ZNF560: variants seen among roughly 807,000 people sequenced by gnomAD.
The protein encoded by ZNF560 is zinc finger protein 560.
A neutral mutation model predicts 81.8 loss-of-function variants in ZNF560; 54 were observed. That is an observed-to-expected ratio of 0.66 (90% CI 0.53 to 0.83). ZNF560 has a LOEUF of 0.83. ZNF560 is among the 40% of genes least tolerant of loss of function. The pLI, the probability that ZNF560 is intolerant of heterozygous loss-of-function variation, is 0.00. For synonymous variants in ZNF560, 321 were observed against 317.9 expected, an observed-to-expected ratio of 1.01 and a Z score of -0.10; for missense variants, 940 against 932.4, an observed-to-expected ratio of 1.01 and a Z score of -0.11.
intron 7 of ZNF560, among the ~76,000 whole-genome samples, chr19:9,470,099 G>A (rs76012838): frequency 2.0e-5 from 3 of 152,098 alleles, no homozygotes; most frequent in Non-Finnish European, 2.9e-5. Flanking sequence ...TTACTCATCT[G>A]AATACAGGGC....
rs374334448 is a variant in ZNF560, at chr19:9,467,076, C to G, written c.1871G>C (p.Gly624Ala). 2.2e-5 allele frequency: 35 copies of G among 1,613,878 alleles called. No individual in the cohort carries two copies. The Middle Eastern group carries it at 5.0e-4, about 23-fold the overall frequency. ...GTCCTTATATTCATAGGGCTTATCT[C>G]CAGTGTGTCTTCGTAAATGTTTAGT... ...DLTKHLRRHT[G>A]DKPYEYKDCG... Residue 624 changes from glycine (G) to alanine (A), a missense_variant, in exon 10 of 10, where the codon GGA becomes GCA. Transcript: ENST00000301480.
chr19:9,495,146 A>T (rs530409173), intron 2 of ZNF560, among the ~76,000 whole-genome samples: 4 of 152,066 alleles, frequency 2.6e-5, no homozygotes, highest in African/African-American at 4.8e-5. Context: ...TCACCAAAAA[A>T]AAATAAATAA....
chr19:9,450,516 C>G, the ZNF560 span, among the ~76,000 whole-genome samples: 15,233 of 152,118 alleles, frequency 0.1, 912 homozygotes, highest in South Asian at 0.2. Context: ...CAATTCAGTT[C>G]TGGATACAAA....
chr19:9,481,788 G>A (rs1193515741), intron 2 of ZNF560, among the ~76,000 whole-genome samples: 1 of 152,222 alleles, frequency 6.6e-6, no homozygotes, highest in Admixed American at 6.5e-5. Context: ...GTGCTGGAGA[G>A]GATGTGGAGA....
At chr19:9,458,277 A>AT in the ZNF560 span, among the ~76,000 whole-genome samples, 3 of 151,970 alleles carry the variant, frequency 2.0e-5, no homozygotes, top group East Asian at 3.9e-4. Flanking sequence ...AACTGTTTCA[A>AT]TTTTTTGAAA....
At chr19:9,462,446 C>T (rs2072947104), downstream of ZNF560, among the ~76,000 whole-genome samples, 1 of 152,172 alleles carries the variant, frequency 6.6e-6, no homozygotes, top group Admixed American at 6.5e-5. Context: ...TTATCACAGG[C>T]TGTCAATAAA....
At chr19:9,480,072 A>T (rs2073262969) in intron 2 of ZNF560, among the ~76,000 whole-genome samples, 1 of 152,246 alleles carries the variant, frequency 6.6e-6, no homozygotes, top group South Asian at 2.1e-4. Flanking sequence ...TCATTCAGAC[A>T]GAAAATCAAT....
chr19:9,481,322 G>A (rs1402139095), intron 2 of ZNF560, among the ~76,000 whole-genome samples: 2 of 152,088 alleles, frequency 1.3e-5, no homozygotes, highest in African/African-American at 4.8e-5. Context: ...AAAAACCCTA[G>A]AAGAAAACCT....
At chr19:9,502,954 G>A (rs951724422), upstream of ZNF560, among the ~76,000 whole-genome samples, 69 of 151,966 alleles carry the variant, frequency 4.5e-4, no homozygotes, top group African/African-American at 1.4e-3. Context: ...TCCATTTCAC[G>A]TATTTCCCTT....
chr19:9,467,702 T>G lies in ZNF560; in HGVS notation c.1245A>C (p.Thr415=). ...GCKECGKAFG[T]SAGLIEHIRC... ...TTATATGTTCAATAAGGCCTGCAGA[T>G]GTACCAAAGGCTTTACCACATTCCT... The change falls in exon 10 of 10, where the codon ACA becomes ACC. Residue 415 remains threonine, a synonymous_variant. Transcript: ENST00000301480. 1 of 1,613,856 alleles carries G rather than the reference T, an allele frequency of 6.2e-7. No individual in the cohort carries two copies. The highest frequency in any genetic ancestry group is 1.1e-5 in the South Asian group (1 of 91,036).
At chr19:9,464,245 TTC>T (rs1325713933), downstream of ZNF560, among the ~76,000 whole-genome samples, 1 of 152,208 alleles carries the variant, frequency 6.6e-6, no homozygotes, top group Non-Finnish European at 1.5e-5. Context: ...ACAGGAGTTT[TTC>T]TGTTTTCATA....
chr19:9,478,913 C>T (rs1240879172), intron 2 of ZNF560, among the ~76,000 whole-genome samples: 1 of 152,064 alleles, frequency 6.6e-6, no homozygotes, highest in African/African-American at 2.4e-5. Flanking sequence ...GCCACTAATC[C>T]CTGCACTTTG....
At chr19:9,480,334 G>C (rs2073267012) in intron 2 of ZNF560, among the ~76,000 whole-genome samples, 3 of 151,862 alleles carry the variant, frequency 2.0e-5, no homozygotes, top group Admixed American at 2.0e-4. Context: ...ATCAACAATA[G>C]GAAGAAAATT....
chr19:9,484,711 A>G (rs868382511), intron 2 of ZNF560, among the ~76,000 whole-genome samples: 48 of 151,942 alleles, frequency 3.2e-4, no homozygotes, highest in African/African-American at 8.9e-4. Context: ...TGAACCGCAG[A>G]GGCGGAGGCT....
chr19:9,447,433 C>T, the ZNF560 span, among the ~76,000 whole-genome samples: 7 of 151,968 alleles, frequency 4.6e-5, no homozygotes, highest in African/African-American at 1.5e-4. Flanking sequence ...AAAGCTTGGC[C>T]TACAGGGAAG....
At chr19:9,448,977 CTT>C in the ZNF560 span, among the ~76,000 whole-genome samples, 39 of 152,318 alleles carry the variant, frequency 2.6e-4, no homozygotes, top group African/African-American at 8.7e-4. Flanking sequence ...AACAAGATGA[CTT>C]AACCTTCAAC....
In ZNF560 at chr19:9,467,221, T is replaced by G; in HGVS notation, c.1726A>C (p.Lys576Gln). 1 of 1,613,936 alleles carries G rather than the reference T, an allele frequency of 6.2e-7. No individual in the cohort carries two copies. The highest frequency in any genetic ancestry group is 8.5e-7 in the Non-Finnish European group (1 of 1,179,956). The change falls in exon 10 of 10, where the codon AAA becomes CAA. Residue 576 changes from lysine to glutamine, a missense_variant. By Grantham distance (53) the Lys-to-Gln change is moderately conservative. Transcript: ENST00000301480. ...CGCTCAGTGAAGGCTTTCCCACATT[T>G]CATACATTCATAGGGTTTCTCTCCA... ...HAGEKPYECM[K>Q]CGKAFTERSY...
chr19:9,506,670 T>A, the ZNF560 span, among the ~76,000 whole-genome samples: 1 of 152,070 alleles, frequency 6.6e-6, no homozygotes, highest in Non-Finnish European at 1.5e-5. Context: ...CTTTTATGTT[T>A]ATTTGTTTAT....
At chr19:9,480,078 T>A (rs2073263058) in intron 2 of ZNF560, among the ~76,000 whole-genome samples, 1 of 151,936 alleles carries the variant, frequency 6.6e-6, no homozygotes, top group African/African-American at 2.4e-5. Context: ...AGACAGAAAA[T>A]CAATAAAGAA....
Sources: gnomAD v4.1 joint callset for allele counts (sites outside exome capture counted in the v4.1 genomes callset) on GRCh38, gnomAD v4.1.1 for gene constraint, MANE v1.5 for transcripts, NCBI Gene and HGNC (gene_info 2026-07-23, HGNC 2026-07-21) for gene names.